PAM: variants seen among roughly 807,000 people sequenced by gnomAD.
The protein encoded by PAM is peptidylglycine alpha-amidating monooxygenase, also known as peptidyl-glycine alpha-amidating monooxygenase.
In PAM, 72 loss-of-function variants were observed where a neutral mutation model predicts 122.1. The ratio of observed to expected loss-of-function variants is 0.59; its 90% CI spans 0.49 to 0.72. PAM has a LOEUF of 0.72. PAM is among the 30% of genes least tolerant of loss of function. PAM has a pLI of 0.00. For synonymous variants in PAM, 389 were observed against 404.4 expected (o/e 0.96, Z 0.46); for missense variants, 1,106 against 1,183.7 (o/e 0.93, Z 0.96).
chr5:102,784,144 C>T (rs369124170), intron 1 of PAM, among the ~76,000 whole-genome samples: 1 of 152,134 alleles, frequency 6.6e-6, no homozygotes, highest in East Asian at 1.9e-4. Context: ...CCGCCCGCCT[C>T]AGACTCCCAA....
intron 1 of PAM, chr5:102,837,594 A>G (rs1326059810): frequency 6.6e-6 from 1 of 152,210 alleles, no homozygotes; most frequent in East Asian, 1.9e-4. Context: ...AATTTAAGTA[A>G]CTTAATGCAT....
At chr5:102,764,444 C>T (rs989029746) in intron 1 of PAM, among the ~76,000 whole-genome samples, 1 of 151,936 alleles carries the variant, frequency 6.6e-6, no homozygotes, top group Admixed American at 6.5e-5. Context: ...CAGATGAAGT[C>T]GGGGAACTAA....
intron 1 of PAM, among the ~76,000 whole-genome samples, chr5:102,762,989 C>T (rs1752817329): frequency 6.6e-6 from 1 of 152,168 alleles, no homozygotes; most frequent in Non-Finnish European, 1.5e-5. Context: ...GTTTCCAGAG[C>T]AGACTGATGA....
chr5:102,757,599 CA>C (rs2149627602), intron 1 of PAM, among the ~76,000 whole-genome samples: 1 of 152,310 alleles, frequency 6.6e-6, no homozygotes, highest in Non-Finnish European at 1.5e-5. Flanking sequence ...GTGGTTCCCA[CA>C]TACAGTTTTT....
intron 23 of PAM, among the ~76,000 whole-genome samples, chr5:103,024,486 A>T (rs1784416797): frequency 1.3e-5 from 2 of 152,172 alleles, no homozygotes; most frequent in South Asian, 4.1e-4. Context: ...AAAGAGCCTG[A>T]AAAGCACATA....
At chr5:102,884,604 T>C (rs1164835712) in intron 3 of PAM, among the ~76,000 whole-genome samples, 1 of 151,968 alleles carries the variant, frequency 6.6e-6, no homozygotes, top group East Asian at 1.9e-4. Context: ...AAAAATTCTC[T>C]TTGTTTCACT....
At chr5:102,967,572 C>CT in intron 14 of PAM, among the ~76,000 whole-genome samples, 1 of 152,164 alleles carries the variant, frequency 6.6e-6, no homozygotes, top group African/African-American at 2.4e-5. Context: ...ATGAGAGGGA[C>CT]TTTTTTATAT....
intron 7 of PAM, among the ~76,000 whole-genome samples, chr5:102,929,106 G>A (rs1750574635): frequency 1.3e-5 from 2 of 151,998 alleles, no homozygotes; most frequent in South Asian, 4.1e-4. Flanking sequence ...CCTTTAAAAT[G>A]TTATAACATT....
chr5:102,953,895 C>G (rs1241700752), intron 12 of PAM, among the ~76,000 whole-genome samples: 1 of 152,074 alleles, frequency 6.6e-6, no homozygotes, highest in Non-Finnish European at 1.5e-5. Flanking sequence ...TGCCCATAAT[C>G]CCAGCTACTT....
At chr5:102,774,725 A>G (rs1365872655) in intron 1 of PAM, among the ~76,000 whole-genome samples, 2 of 152,222 alleles carry the variant, frequency 1.3e-5, no homozygotes, top group Middle Eastern at 3.4e-3. Flanking sequence ...CATGCGAACT[A>G]TTTATAAAGG....
intron 12 of PAM, among the ~76,000 whole-genome samples, chr5:102,951,551 G>A (rs1162184953): frequency 2.6e-5 from 4 of 152,094 alleles, no homozygotes; most frequent in East Asian, 3.9e-4. Flanking sequence ...CATTTATGTC[G>A]TAATCAAAGA....
At chr5:102,857,597 G>A (rs1782977404) in intron 1 of PAM, among the ~76,000 whole-genome samples, 1 of 152,152 alleles carries the variant, frequency 6.6e-6, no homozygotes, top group East Asian at 1.9e-4. Context: ...AAGACTAGGT[G>A]CGTAGTTAAG....
intron 5 of PAM, among the ~76,000 whole-genome samples, chr5:102,915,048 C>A (rs545631379): frequency 6.6e-6 from 1 of 152,134 alleles, no homozygotes; most frequent in South Asian, 2.1e-4. Context: ...TCATTTTGTT[C>A]TTTGGCATTC....
At chr5:102,987,972 T>C (rs1447985103) in intron 15 of PAM, among the ~76,000 whole-genome samples, 1 of 152,180 alleles carries the variant, frequency 6.6e-6, no homozygotes, top group African/African-American at 2.4e-5. Context: ...GTACTTGTAA[T>C]GTACCTCAAA....
intron 1 of PAM, among the ~76,000 whole-genome samples, chr5:102,859,754 T>C (rs1783623127): frequency 6.6e-6 from 1 of 152,190 alleles, no homozygotes; most frequent in Non-Finnish European, 1.5e-5. Flanking sequence ...CATTTATAAG[T>C]GCCGTATACA....
At chr5:102,965,253 CTTTA>C (rs1315283576) in intron 14 of PAM, among the ~76,000 whole-genome samples, 1 of 151,384 alleles carries the variant, frequency 6.6e-6, no homozygotes, top group Non-Finnish European at 1.5e-5. Flanking sequence ...TGTAAGTTCT[CTTTA>C]TTTCTTATGC....
intron 3 of PAM, among the ~76,000 whole-genome samples, chr5:102,870,546 G>T (rs1027178056): frequency 6.6e-6 from 1 of 152,168 alleles, no homozygotes; most frequent in African/African-American, 2.4e-5. Flanking sequence ...ACTAGATCCA[G>T]TGAGTCTGGG....
intron 14 of PAM, among the ~76,000 whole-genome samples, chr5:102,965,814 C>T (rs958823536): frequency 6.6e-6 from 1 of 152,014 alleles, no homozygotes; most frequent in African/African-American, 2.4e-5. Flanking sequence ...ACAGTAATTT[C>T]ACAGTGGTTT....
chr5:103,025,072 TA>T, intron 23 of PAM, 58 bp from the exon 24 acceptor site: 2 of 1,194,688 alleles, frequency 1.7e-6, no homozygotes, highest in Non-Finnish European at 2.5e-6. Context: ...TAGGGGTGGG[TA>T]AGGGGGTTTT....
Sources: gnomAD v4.1 joint callset for allele counts (sites outside exome capture counted in the v4.1 genomes callset) on GRCh38, gnomAD v4.1.1 for gene constraint, MANE v1.5 for transcripts, NCBI Gene and HGNC (gene_info 2026-07-23, HGNC 2026-07-21) for gene names.